The following TBL2 variants were observed in gnomAD, a reference collection of about 807,000 sequenced individuals.
TBL2 encodes the protein transducin beta-like protein 2.
A neutral mutation model predicts 41.8 loss-of-function variants in TBL2; 33 were observed. The observed-to-expected ratio is 0.79, with a 90% CI of 0.60 to 1.06. The LOEUF is 1.06. Among genes scored for constraint, TBL2 ranks in the 50% least tolerant of loss-of-function variants. TBL2 has a pLI of 0.00. For synonymous variants in TBL2, 239 were observed against 241.7 expected (o/e 0.99, Z 0.10); for missense variants, 522 against 603.8 (o/e 0.86, Z 1.42).
At chr7:73,577,264 C>CCCA (rs782149543) in intron 1 of TBL2, among the ~76,000 whole-genome samples, 3,910 of 97,958 alleles carry the variant, frequency 0.04, 68 homozygotes, top group Non-Finnish European at 0.052. Flanking sequence ...CGTCCCCCTG[C>CCCA]AAAAAAAAAA....
intron 1 of TBL2, among the ~76,000 whole-genome samples, chr7:73,575,928 G>A (rs1793283268): frequency 6.6e-6 from 1 of 152,010 alleles, no homozygotes. Context: ...TGTGGTCCCA[G>A]CTATTCGGAG....
intron 6 of TBL2, 38 bp from the exon 7 acceptor site, chr7:73,571,010 C>A: frequency 6.4e-7 from 1 of 1,573,266 alleles, no homozygotes; most frequent in Non-Finnish European, 8.6e-7. Context: ...CCCCAACACA[C>A]CCTGGCAGGG....
chr7:73,573,560 G>A, intron 3 of TBL2, 89 bp from the exon 4 acceptor site: 9 of 1,536,374 alleles, frequency 5.9e-6, no homozygotes, highest in Non-Finnish European at 7.9e-6. Context: ...GGGAAGTCAA[G>A]ATCTCTCCTC....
chr7:73,570,510 C>T lies in TBL2; in HGVS notation c.1341G>A (p.Lys447=), dbSNP rs1391172159. 1.3e-6 allele frequency: 2 copies of T among 1,547,290 alleles called. No individual in the cohort carries two copies. The highest frequency in any genetic ancestry group is 1.7e-6 in the Non-Finnish European group (2 of 1,148,856). The change falls in exon 7 of 7, where the codon AAG becomes AAA. Residue 447 remains lysine, a synonymous_variant. Transcript: ENST00000305632. ...ETLKSLGALK[K] is the part of the protein sequence containing the mutation. ...TCTGCGCCGGGCCCTCCCAGAGTCA[C>T]TTCTTCAGGGCACCCAGGCTCTTCA...
intron 5 of TBL2, chr7:73,571,761 GAAAA>G: frequency 1.3e-4 from 10 of 75,694 alleles, no homozygotes; most frequent in Admixed American, 3.3e-4. Flanking sequence ...GACTGTCTCA[GAAAA>G]AAAAAAAAAA....
chr7:73,571,817 T>A (rs967164710), intron 5 of TBL2: 1 of 161,032 alleles, frequency 6.2e-6, no homozygotes, highest in African/African-American at 2.4e-5. Flanking sequence ...TCCCAGCACT[T>A]TGGGAGGCCC....
chr7:73,578,538 C>T lies in TBL2; in HGVS notation c.12G>A (p.Ser4=). The change falls in exon 1 of 7, where the codon TCG becomes TCA. Residue 4 remains serine, a synonymous_variant. Coordinates refer to ENST00000305632, the MANE Select transcript of TBL2 (RefSeq NM_012453.4). MEL[S]QMSELMGLSV... ...ACAGCCCCATGAGCTCCGACATCTGCGAGAGCTCCATGTTGGTGGAACCAC... is the reference window on the plus strand; with the variant it reads ...ACAGCCCCATGAGCTCCGACATCTGTGAGAGCTCCATGTTGGTGGAACCAC... 3 of 1,592,118 alleles carry T rather than the reference C, an allele frequency of 1.9e-6. No individual in the cohort carries two copies. The highest frequency in any genetic ancestry group is 2.6e-6 in the Non-Finnish European group (3 of 1,171,076).
rs1554589550 is a variant in TBL2 at position 73,578,532 on chromosome 7, C to T, written c.18G>A (p.Met6Ile). The change falls in exon 1 of 7, where the codon ATG becomes ATA. Residue 6 changes from methionine to isoleucine, a missense_variant. Transcript: ENST00000305632. ...ACACCGACAGCCCCATGAGCTCCGA[C>T]ATCTGCGAGAGCTCCATGTTGGTGG... MELSQMSELMGLSVLL... is the reference protein window; with the variant it reads MELSQISELMGLSVLL... 8.8e-6 allele frequency: 14 copies of T among 1,593,322 alleles called. No homozygotes were observed. The highest frequency in any genetic ancestry group is 1.2e-5 in the Non-Finnish European group (14 of 1,171,598).
intron 1 of TBL2, among the ~76,000 whole-genome samples, chr7:73,575,541 C>T (rs1329832212): frequency 5.3e-5 from 8 of 152,184 alleles, no homozygotes; most frequent in Admixed American, 5.2e-4. Flanking sequence ...GATCCACCCG[C>T]CTCGGCCTCC....
In TBL2 at chr7:73,570,554, T is replaced by TCAG. The variant is rs1792860795; in HGVS notation, c.1294_1296dup (p.Leu432dup). The TCAG allele has an allele frequency of 6.2e-7, 1 of 1,602,674 alleles. No individual in the cohort carries two copies. The highest frequency in any genetic ancestry group is 1.3e-5 in the African/African-American group (1 of 74,724). ...CTCTTCAGGGTCTCTTGGGCCTGGG[T>TCAG]CAGCTGCTGCTGCAGCCTCTGGCGG... On this transcript the variant is annotated inframe_insertion, in exon 7 of 7. Coordinates refer to ENST00000305632, the MANE Select transcript of TBL2 (RefSeq NM_012453.4).
At chr7:73,571,487 TG>T in intron 5 of TBL2, 146 bp from the exon 6 acceptor site, 1 of 1,159,486 alleles carries the variant, frequency 8.6e-7, no homozygotes, top group African/African-American at 1.5e-5. Context: ...CCGGGCGCGG[TG>T]GCTCACGCCT....
rs138587904 is a variant in TBL2, at chr7:73,571,277, C to A, written c.790G>T (p.Gly264Trp). 1.4e-5 allele frequency: 23 copies of A among 1,614,114 alleles called. No individual in the cohort carries two copies. The highest frequency in any genetic ancestry group is 5.0e-5 in the Admixed American group (3 of 60,004). The stretch of plus-strand genomic sequence containing the variant: ...GCTCGCACCACCTCCTGGAACTCCC[C>A]CTTCTTTCCAAAGCAGACTTCCCAA... ...KVWEVCFGKK[G>W]EFQEVVRAFE... Residue 264 changes from glycine (G) to tryptophan (W), a missense_variant, in exon 6 of 7, where the codon GGG (glycine) becomes TGG (tryptophan). Coordinates refer to ENST00000305632, the MANE Select transcript of TBL2 (RefSeq NM_012453.4).
intron 1 of TBL2, among the ~76,000 whole-genome samples, chr7:73,576,073 G>T (rs62466291): frequency 0.043 from 6,455 of 151,502 alleles, 179 homozygotes; most frequent in Non-Finnish European, 0.066. Flanking sequence ...AAGGGAGATT[G>T]AATTGGATGA....
In TBL2 at chr7:73,572,971, C is replaced by G; in HGVS notation, c.599-1G>C. On this transcript the variant is annotated splice_acceptor_variant, in intron 4 of 6. Coordinates refer to ENST00000305632, the MANE Select transcript of TBL2 (RefSeq NM_012453.4). LOFTEE classifies it high-confidence loss of function. ...CTGGAGGCAGTCATGATAAACTTCC[C>G]TGAGCGGGAAGGGAGTGATGTGGGT... 1 of 1,614,180 alleles carries G rather than the reference C, an allele frequency of 6.2e-7. No homozygotes were observed. The highest frequency in any genetic ancestry group is 8.5e-7 in the Non-Finnish European group (1 of 1,180,026).
rs1425068884 is a variant in TBL2, at chr7:73,568,139, C to T, written c.*2368G>A. The stretch of plus-strand genomic sequence containing the variant: ...TGGAGACTGGGAGTGGGAAGATGCG[C>T]GGAGAAGATACTGGGAGGTCTGTGG... On this transcript the variant is annotated 3_prime_UTR_variant, in exon 7 of 7. Transcript: ENST00000305632. Among the ~76,000 whole-genome samples, 9 of 152,120 alleles carry T rather than the reference C, an allele frequency of 5.9e-5. No homozygotes were observed. The highest frequency in any genetic ancestry group is 2.1e-4 in the South Asian group (1 of 4,822).
In TBL2 at chr7:73,568,472, C is replaced by A. The variant is rs571127480; in HGVS notation, c.*2035G>T. Among the ~76,000 whole-genome samples, 2 of 152,292 alleles carry A rather than the reference C, an allele frequency of 1.3e-5. No individual in the cohort carries two copies. The highest frequency in any genetic ancestry group is 1.3e-4 in the Admixed American group (2 of 15,296). ...CCCATCCTGCAGGCAGGACACAAGCCCGCCCTCCAGCTCACTTCTGTCCCC... is the reference window on the plus strand; with the variant it reads ...CCCATCCTGCAGGCAGGACACAAGCACGCCCTCCAGCTCACTTCTGTCCCC... On this transcript the variant is annotated 3_prime_UTR_variant, in exon 7 of 7. Transcript: ENST00000305632.
At chr7:73,572,224 G>A (rs1793005861) in intron 5 of TBL2, among the ~76,000 whole-genome samples, 1 of 152,074 alleles carries the variant, frequency 6.6e-6, no homozygotes, top group Non-Finnish European at 1.5e-5. Flanking sequence ...CGAGGCAAGA[G>A]GATCACTTGA....
intron 5 of TBL2, among the ~76,000 whole-genome samples, chr7:73,572,576 G>C (rs181514599): frequency 8.3e-4 from 127 of 152,318 alleles, no homozygotes; most frequent in Non-Finnish European, 1.6e-3. Flanking sequence ...AGCTATGATC[G>C]CACCACTGTG....
chr7:73,573,821 C>A (rs542232698), intron 3 of TBL2, 117 bp downstream of exon 3: 381 of 1,301,486 alleles, frequency 2.9e-4, no homozygotes, highest in Non-Finnish European at 3.7e-4. Context: ...CTCTTTCTGG[C>A]ACCCCAAGGG....
Sources: allele counts gnomAD v4.1 joint callset (sites outside exome capture counted in the v4.1 genomes callset), GRCh38; gene constraint gnomAD v4.1.1; transcripts MANE v1.5; gene names NCBI Gene and HGNC (gene_info 2026-07-23, HGNC 2026-07-21).